Variants in DPP10 observed in about 807,000 individuals in gnomAD.
DPP10 encodes inactive dipeptidyl peptidase 10.
Under a neutral mutation model 120.9 loss-of-function variants are expected in DPP10, and 33 were observed. The ratio of observed to expected loss-of-function variants is 0.27; its 90% CI spans 0.21 to 0.37. The LOEUF is 0.37. Among genes scored for constraint, DPP10 ranks in the 10% least tolerant of loss-of-function variants. The pLI, the probability that DPP10 is intolerant of heterozygous loss-of-function variation, is 1.00. For synonymous variants in DPP10, 337 were observed against 326.1 expected (o/e 1.03, Z -0.36); for missense variants, 816 against 942.8 (o/e 0.87, Z 1.76).
At chr2:115,329,803 A>G (rs915366325) in intron 2 of DPP10, among the ~76,000 whole-genome samples, 1 of 152,142 alleles carries the variant, frequency 6.6e-6, no homozygotes. Context: ...TCCATGGTGT[A>G]TATGTACCAC....
chr2:115,766,316 A>T (rs1229876817), intron 12 of DPP10, among the ~76,000 whole-genome samples: 2 of 74,626 alleles, frequency 2.7e-5, no homozygotes, highest in East Asian at 5.0e-4. Context: ...GTGTGTATAT[A>T]TATATATATG....
chr2:114,867,333 T>C (rs571727452), intron 1 of DPP10, among the ~76,000 whole-genome samples: 1 of 152,328 alleles, frequency 6.6e-6, no homozygotes, highest in South Asian at 2.1e-4. Flanking sequence ...TGGAACCCTT[T>C]GTTTGAAATC....
At chr2:115,515,851 ATTTTCC>A (rs917426908) in intron 4 of DPP10, among the ~76,000 whole-genome samples, 1 of 152,098 alleles carries the variant, frequency 6.6e-6, no homozygotes, top group Non-Finnish European at 1.5e-5. Flanking sequence ...TTACCCTTAA[ATTTTCC>A]TTCAGTTTTT....
chr2:115,352,503 A>C (rs1221730283), intron 3 of DPP10, among the ~76,000 whole-genome samples: 1 of 152,194 alleles, frequency 6.6e-6, no homozygotes, highest in Admixed American at 6.5e-5. Context: ...ATATAGAATA[A>C]TAGATACATT....
At chr2:114,591,554 A>ATTTTTTTTTTTTT (rs70937292) in intron 1 of DPP10, among the ~76,000 whole-genome samples, 17 of 124,564 alleles carry the variant, frequency 1.4e-4, no homozygotes, top group African/African-American at 3.5e-4. Context: ...ACCTCTTCCT[A>ATTTTTTTTTTTTT]TTTTTTTTTT....
intron 1 of DPP10, among the ~76,000 whole-genome samples, chr2:114,884,611 G>A (rs1264645578): frequency 6.6e-6 from 1 of 152,072 alleles, no homozygotes; most frequent in Non-Finnish European, 1.5e-5. Flanking sequence ...TTGGTTATAT[G>A]AATATGTTCT....
At chr2:114,934,857 A>G (rs1696340573) in intron 1 of DPP10, among the ~76,000 whole-genome samples, 1 of 152,156 alleles carries the variant, frequency 6.6e-6, no homozygotes, top group African/African-American at 2.4e-5. Flanking sequence ...GTTCATTTTT[A>G]TATTGCAAAT....
intron 1 of DPP10, among the ~76,000 whole-genome samples, chr2:115,224,403 G>T (rs368827053): frequency 2.2e-4 from 33 of 152,198 alleles, no homozygotes; most frequent in African/African-American, 7.9e-4. Context: ...GTAGGATAAA[G>T]TTGAATCAGA....
chr2:115,723,622 G>GTT (rs11399436), intron 7 of DPP10, among the ~76,000 whole-genome samples: 7,896 of 142,894 alleles, frequency 0.055, 253 homozygotes, highest in African/African-American at 0.085. Flanking sequence ...GTTGTTTTTT[G>GTT]TTTTTTTTTT....
chr2:114,955,061 C>T (rs1466353369), intron 1 of DPP10, among the ~76,000 whole-genome samples: 1 of 152,144 alleles, frequency 6.6e-6, no homozygotes, highest in Non-Finnish European at 1.5e-5. Flanking sequence ...TTGGACCTTG[C>T]ATAAGAAAGA....
intron 3 of DPP10, among the ~76,000 whole-genome samples, chr2:115,356,139 C>G (rs1227931035): frequency 6.7e-6 from 1 of 149,120 alleles, no homozygotes; most frequent in African/African-American, 2.5e-5. Flanking sequence ...CTATAAATTA[C>G]TTTGGGCAAT....
intron 1 of DPP10, among the ~76,000 whole-genome samples, chr2:114,812,416 T>C (rs2106326495): frequency 1.3e-5 from 2 of 152,010 alleles, no homozygotes; most frequent in African/African-American, 4.8e-5. Context: ...CAAGACCTCA[T>C]CTCTACAAAA....
intron 2 of DPP10, among the ~76,000 whole-genome samples, chr2:115,340,513 A>C (rs2106239891): frequency 6.6e-6 from 1 of 152,058 alleles, no homozygotes; most frequent in South Asian, 2.1e-4. Context: ...GTGTTATTTT[A>C]ATAAAATTTC....
chr2:114,926,271 T>C (rs1459607440), intron 1 of DPP10, among the ~76,000 whole-genome samples: 1 of 152,190 alleles, frequency 6.6e-6, no homozygotes, highest in Non-Finnish European at 1.5e-5. Context: ...TGGCATATGA[T>C]ACTTGGTCCA....
At position 115,343,915 on chromosome 2, in the gene DPP10, A is replaced by G. The variant is rs1385841678; in HGVS notation, c.271+3A>G. ...TCCAGAGGCTCGGTGGATCAATGGTAAGTGTATACCTTTTTAAACATTGTA... is the reference window on the plus strand; with the variant it reads ...TCCAGAGGCTCGGTGGATCAATGGTGAGTGTATACCTTTTTAAACATTGTA... On this transcript the variant is annotated splice_donor_region_variant and intron_variant, in intron 3 of 25. Transcript: ENST00000410059. 1 of 1,600,748 alleles carries G rather than the reference A, an allele frequency of 6.2e-7. No homozygotes were observed. Among genetic ancestry groups the G allele is most frequent in the African/African-American group, 1.3e-5 (1 of 74,382 alleles).
intron 5 of DPP10, among the ~76,000 whole-genome samples, chr2:115,610,213 C>G (rs771942730): frequency 6.6e-6 from 1 of 152,006 alleles, no homozygotes; most frequent in Non-Finnish European, 1.5e-5. Flanking sequence ...GGCATGAGGC[C>G]TCAGTTCCCC....
chr2:115,554,005 A>T (rs1285233179), intron 5 of DPP10, among the ~76,000 whole-genome samples: 2 of 85,532 alleles, frequency 2.3e-5, no homozygotes, highest in Admixed American at 9.6e-5. Context: ...TCTCTTTCAC[A>T]CACACACACA....
At chr2:115,013,643 C>A (rs1573303158) in intron 1 of DPP10, among the ~76,000 whole-genome samples, 4 of 117,084 alleles carry the variant, frequency 3.4e-5, no homozygotes, top group Admixed American at 1.9e-4. Flanking sequence ...GAATATTTAC[C>A]AAGCAAATGG....
At chr2:114,788,523 C>A (rs1029948772) in intron 1 of DPP10, among the ~76,000 whole-genome samples, 1 of 151,600 alleles carries the variant, frequency 6.6e-6, no homozygotes, top group Non-Finnish European at 1.5e-5. Context: ...TCAAGTGATT[C>A]TCCTGCCTCA....
Sources: allele counts gnomAD v4.1 joint callset (sites outside exome capture counted in the v4.1 genomes callset), GRCh38; gene constraint gnomAD v4.1.1; transcripts MANE v1.5; gene names NCBI Gene and HGNC (gene_info 2026-07-23, HGNC 2026-07-21).